FOXC2: variants seen among roughly 807,000 people sequenced by gnomAD.
FOXC2 encodes the protein forkhead box C2.
FOXC2 carries 7 observed loss-of-function variants against 7.2 expected under a neutral mutation model. The observed-to-expected ratio is 0.97, with a 90% CI of 0.55 to 1.81. FOXC2 has a LOEUF of 1.81. Among genes scored for constraint, FOXC2 ranks in the 40% most tolerant of loss-of-function variants. FOXC2 has a pLI of 0.00. For missense variants in FOXC2, 846 were observed against 741.2 expected, an observed-to-expected ratio of 1.14 and a Z score of -1.64; for synonymous variants, 436 against 350.4, an observed-to-expected ratio of 1.24 and a Z score of -2.73.
Position 86,568,623 on chromosome 16 carries a change from G to A in FOXC2, c.1288G>A (p.Gly430Arg). Residue 430 changes from glycine to arginine, a missense_variant, in exon 1 of 1, where the codon GGG becomes AGG. Around this residue, in one of 3 missense-constraint regions of FOXC2, gnomAD observed 640 missense variants for 503.2 expected, o/e 1.27. Transcript: ENST00000649859. This position sits in a 1 kb window ranked among gnomAD's most constrained non-coding sequence, Gnocchi z 5.2. ...QAASWYLNHS[G>R]DLNHLPGHTF... ...GGCCTCCTGGTATCTCAACCACAGC[G>A]GGGACCTGAACCACCTCCCCGGCCA... 3 of 1,612,286 alleles carry A rather than the reference G, an allele frequency of 1.9e-6. No individual in the cohort carries two copies. Among genetic ancestry groups the A allele is most frequent in the Non-Finnish European group, 2.5e-6 (3 of 1,179,880 alleles).
chr16:86,567,419 G>C lies in FOXC2; in HGVS notation c.84G>C (p.Ala28=). The change falls in exon 1 of 1, where the codon GCG becomes GCC. Residue 28 remains alanine (A), a synonymous_variant. Coordinates refer to ENST00000649859, the MANE Select transcript of FOXC2 (RefSeq NM_005251.3). The part of the protein sequence containing the change: ...YLSEQNYYRA[A]GSYGGMASPM... ...GCGAGCAGAATTACTACCGGGCTGCGGGCAGCTACGGCGGCATGGCCAGCC... is the reference window on the plus strand; with the variant it reads ...GCGAGCAGAATTACTACCGGGCTGCCGGCAGCTACGGCGGCATGGCCAGCC... 6.2e-7 allele frequency: 1 copy of C among 1,613,308 alleles called. No homozygotes were observed. Among genetic ancestry groups the C allele is most frequent in the East Asian group, 2.2e-5 (1 of 44,850 alleles).
rs1371479295 is a variant in FOXC2, at chr16:86,568,819, C to T, written c.1484C>T (p.Ser495Phe). 1 of 1,612,894 alleles carries T rather than the reference C, an allele frequency of 6.2e-7. No individual in the cohort carries two copies. Among genetic ancestry groups the T allele is most frequent in the Admixed American group, 1.7e-5 (1 of 60,010 alleles). The stretch of plus-strand genomic sequence containing the variant: ...CTCTATCGCCACGCAGCCCCCTACT[C>T]CTACGACTGCACGAAATACTGACGT... ...PPLYRHAAPYSYDCTKY is the reference protein window; with the variant it reads ...PPLYRHAAPYFYDCTKY The change falls in exon 1 of 1, where the codon TCC (serine) becomes TTC (phenylalanine). Residue 495 changes from serine (S) to phenylalanine (F), a missense_variant. Coordinates refer to ENST00000649859, the MANE Select transcript of FOXC2 (RefSeq NM_005251.3). The surrounding 1 kb of genome is among the most constrained non-coding windows in gnomAD (Gnocchi z 5.2).
At position 86,568,217 on chromosome 16, in the gene FOXC2, G is replaced by T; in HGVS notation, c.882G>T (p.Ala294=). Residue 294 remains alanine, a synonymous_variant, in exon 1 of 1, where the codon GCG becomes GCT. Coordinates refer to ENST00000649859, the MANE Select transcript of FOXC2 (RefSeq NM_005251.3). The surrounding 1 kb of genome is among the most constrained non-coding windows in gnomAD (Gnocchi z 5.2). ...GGELSPGAGR[A]GLVVPPLALP... is the part of the protein sequence containing the mutation. ...AGCTGAGCCCGGGGGCCGGACGCGCGGGCCTGGTGGTGCCGCCGCTGGCGC... is the reference window on the plus strand; with the variant it reads ...AGCTGAGCCCGGGGGCCGGACGCGCTGGCCTGGTGGTGCCGCCGCTGGCGC... 7.9e-7 allele frequency: 1 copy of T among 1,268,778 alleles called. No individual in the cohort carries two copies. Among genetic ancestry groups the T allele is most frequent in the Non-Finnish European group, 9.9e-7 (1 of 1,013,954 alleles). 78.6% of individuals were successfully genotyped at this position (1,268,778 alleles called of 1,614,324 possible). A position where few individuals can be genotyped will look rare whatever the true frequency, so the allele number is the denominator to read the frequency against.
chr16:86,567,924 AC>A lies in FOXC2; in HGVS notation c.595del (p.His199ThrfsTer2). On this transcript the variant is annotated frameshift_variant, in exon 1 of 1. Coordinates refer to ENST00000649859, the MANE Select transcript of FOXC2 (RefSeq NM_005251.3). LOFTEE classifies it low-confidence loss of function (END_TRUNC). Reference sequence around the variant, plus strand: ...GGCGGCGTCCAAGGGCGCCCCGGCCACCCCCCACCTAGCGGACGCCCCCAAG... The same window carrying A: ...GGCGGCGTCCAAGGGCGCCCCGGCCACCCCCACCTAGCGGACGCCCCCAAG... Reference protein sequence around the residue: ...PPAASKGAPATPHLADAPKEA... With the variant: ...PPAASKGAPAXPHLADAPKEA... The A allele has an allele frequency of 1.3e-6, 2 of 1,569,008 alleles. No homozygotes were observed. Among genetic ancestry groups the A allele is most frequent in the South Asian group, 2.3e-5 (2 of 85,346 alleles).
Position 86,568,489 on chromosome 16 carries a change from C to T in FOXC2, c.1154C>T (p.Thr385Met). The part of the protein sequence containing the change: ...AAGQEGALAA[T>M]GHHHQHHGHH... ...GGCCAGGAGGGCGCGCTCGCCGCCA[C>T]GGGCCACCACCACCAGCACCACGGC... Residue 385 changes from threonine (T) to methionine (M), a missense_variant, in exon 1 of 1, where the codon ACG becomes ATG. By Grantham distance (81) the Thr-to-Met change is moderately conservative. Coordinates refer to ENST00000649859, the MANE Select transcript of FOXC2 (RefSeq NM_005251.3). This position sits in a 1 kb window ranked among gnomAD's most constrained non-coding sequence, Gnocchi z 5.2. The T allele has an allele frequency of 3.1e-6, 4 of 1,298,588 alleles. No individual in the cohort carries two copies. Among genetic ancestry groups the T allele is most frequent in the Admixed American group, 3.4e-5 (1 of 29,804 alleles). 80.4% of individuals were successfully genotyped at this position (1,298,588 alleles called of 1,614,324 possible).
Position 86,567,859 on chromosome 16 carries a change from A to T in FOXC2, c.524A>T (p.Lys175Met), listed in dbSNP as rs970711015. 3.1e-6 allele frequency: 5 copies of T among 1,611,926 alleles called. No homozygotes were observed. In the Admixed American group the frequency reaches 8.3e-5, roughly 27 times the overall value. Reference protein sequence around the residue: ...RRRFKKKDVSKEKEERAHLKE... With the variant: ...RRRFKKKDVSMEKEERAHLKE... ...CGCTTCAAAAAGAAGGACGTGTCCAAGGAGAAGGAGGAGCGGGCCCACCTC... is the reference window on the plus strand; with the variant it reads ...CGCTTCAAAAAGAAGGACGTGTCCATGGAGAAGGAGGAGCGGGCCCACCTC... The change falls in exon 1 of 1, where the codon AAG becomes ATG. Residue 175 changes from lysine to methionine, a missense_variant. Lys to Met is a moderately conservative substitution (Grantham distance 95). Transcript: ENST00000649859.
In FOXC2 at chr16:86,567,088, G is replaced by T. The variant is rs1456598231; in HGVS notation, c.-248G>T. Among the ~76,000 whole-genome samples, 21 of 150,446 alleles carry T rather than the reference G, an allele frequency of 1.4e-4. No individual in the cohort carries two copies. In the East Asian group the frequency reaches 3.5e-3, roughly 25 times the overall value. On this transcript the variant is annotated 5_prime_UTR_variant, in exon 1 of 1. Transcript: ENST00000649859. ...CAGCGAGGAGCGGGGCCGGCGCTGC[G>T]CTTGCCCGGGGCGCGCCCTCCAGGA... is the stretch of plus-strand genomic sequence containing the variant.
At position 86,569,062 on chromosome 16, in the gene FOXC2, A is replaced by G. The variant is rs967646325; in HGVS notation, c.*221A>G. On this transcript the variant is annotated 3_prime_UTR_variant, in exon 1 of 1. Transcript: ENST00000649859. ...CGCCCCGTTTCTGGGATCCCAGGAAACCCCTCCAAAGGGACGCAGCCCAAC... is the reference window on the plus strand; with the variant it reads ...CGCCCCGTTTCTGGGATCCCAGGAAGCCCCTCCAAAGGGACGCAGCCCAAC... 4.8e-6 allele frequency: 3 copies of G among 628,670 alleles called. No individual in the cohort carries two copies. The highest frequency in any genetic ancestry group is 8.6e-6 in the Non-Finnish European group (3 of 350,544). 38.9% of individuals were successfully genotyped at this position (628,670 alleles called of 1,614,324 possible). A position where few individuals can be genotyped will look rare whatever the true frequency, so the allele number is the denominator to read the frequency against.
Position 86,568,949 on chromosome 16 carries a change from TCCA to T in FOXC2, c.*112_*114del. 1.4e-6 allele frequency: 2 copies of T among 1,399,852 alleles called. No homozygotes were observed. The highest frequency in any genetic ancestry group is 3.9e-4 in the Middle Eastern group (2 of 5,194). The allele number at this position is 1,399,852 out of a possible 1,614,324, so 86.7% of individuals were successfully genotyped here. A position where few individuals can be genotyped will look rare whatever the true frequency, so the allele number is the denominator to read the frequency against. On this transcript the variant is annotated 3_prime_UTR_variant, in exon 1 of 1. Coordinates refer to ENST00000649859, the MANE Select transcript of FOXC2 (RefSeq NM_005251.3). This position sits in a 1 kb window ranked among gnomAD's most constrained non-coding sequence, Gnocchi z 5.2. ...AGACGCAAAAAAGAAACAAAACATG[TCCA>T]CCAACCTTTTCTCAGACCCGGGAGC...
In FOXC2 at chr16:86,569,616, AAAG is replaced by A. The variant is rs1483085843; in HGVS notation, c.*778_*780del. 1 of 49,504 alleles carries A rather than the reference AAAG, an allele frequency of 2.0e-5. No individual in the cohort carries two copies. The highest frequency in any genetic ancestry group is 6.0e-5 in the Non-Finnish European group (1 of 16,694). 3.1% of individuals were successfully genotyped at this position (49,504 alleles called of 1,614,324 possible). ...GTAGGTTCCACCCTGAGTATTCCTA[AAAG>A]AAAAAAAAAAAAAAAGCTTAAAAAC... is the stretch of plus-strand genomic sequence containing the variant. On this transcript the variant is annotated 3_prime_UTR_variant, in exon 1 of 1. Coordinates refer to ENST00000649859, the MANE Select transcript of FOXC2 (RefSeq NM_005251.3).
In FOXC2 at chr16:86,568,665, C is replaced by T. The variant is rs1272296263; in HGVS notation, c.1330C>T (p.Gln444Ter). 1 of 1,612,856 alleles carries T rather than the reference C, an allele frequency of 6.2e-7. No homozygotes were observed. The highest frequency in any genetic ancestry group is 1.7e-5 in the Admixed American group (1 of 60,028). ...CCCCGGCCACACGTTCGCGGCCCAGCAGCAAACTTTCCCCAACGTGCGGGA... is the reference window on the plus strand; with the variant it reads ...CCCCGGCCACACGTTCGCGGCCCAGTAGCAAACTTTCCCCAACGTGCGGGA... ...HLPGHTFAAQQQTFPNVREMF... is the reference protein window; with the variant it reads ...HLPGHTFAAQ The change falls in exon 1 of 1, where the codon CAG (glutamine) becomes TAG (stop). Residue 444 changes from glutamine (Q) to a stop codon, truncating the protein, a stop_gained. Coordinates refer to ENST00000649859, the MANE Select transcript of FOXC2 (RefSeq NM_005251.3). LOFTEE classifies it high-confidence loss of function. This position sits in a 1 kb window ranked among gnomAD's most constrained non-coding sequence, Gnocchi z 5.2.
In FOXC2 at chr16:86,568,128, A is replaced by C. The variant is rs2144019812; in HGVS notation, c.793A>C (p.Asn265His). 1 of 1,355,876 alleles carries C rather than the reference A, an allele frequency of 7.4e-7. No individual in the cohort carries two copies. The highest frequency in any genetic ancestry group is 9.4e-7 in the Non-Finnish European group (1 of 1,062,312). 84.0% of individuals were successfully genotyped at this position (1,355,876 alleles called of 1,614,324 possible). The change falls in exon 1 of 1, where the codon AAC becomes CAC. Residue 265 changes from asparagine to histidine, a missense_variant. This residue lies in a region of FOXC2 where 640 missense variants were observed against 503.2 expected (regional missense o/e 1.27). Coordinates refer to ENST00000649859, the MANE Select transcript of FOXC2 (RefSeq NM_005251.3). This position sits in a 1 kb window ranked among gnomAD's most constrained non-coding sequence, Gnocchi z 5.2. ...SLPEHHAAAP[N>H]GLPGFSVENI... ...GCCGGAGCACCACGCCGCGGCGCCC[A>C]ACGGGCTGCCTGGCTTCAGCGTGGA... is the stretch of plus-strand genomic sequence containing the variant.
Position 86,568,106 on chromosome 16 carries a change from G to A in FOXC2, c.771G>A (p.Pro257=), listed in dbSNP as rs1164941750. ...CCGGCTCCCCCGACGGCTCGCTGCC[G>A]GAGCACCACGCCGCGGCGCCCAACG... ...TPAGSPDGSL[P]EHHAAAPNGL... Residue 257 remains proline, a synonymous_variant, in exon 1 of 1, where the codon CCG becomes CCA. Transcript: ENST00000649859. This position sits in a 1 kb window ranked among gnomAD's most constrained non-coding sequence, Gnocchi z 5.2. 2.9e-6 allele frequency: 4 copies of A among 1,372,166 alleles called. No homozygotes were observed. Among genetic ancestry groups the A allele is most frequent in the Middle Eastern group, 2.3e-4 (1 of 4,292 alleles). 85.0% of individuals were successfully genotyped at this position (1,372,166 alleles called of 1,614,324 possible).
chr16:86,568,729 C>A lies in FOXC2; in HGVS notation c.1394C>A (p.Thr465Asn), dbSNP rs1974238780. The A allele has an allele frequency of 6.2e-7, 1 of 1,612,846 alleles. No homozygotes were observed. The change falls in exon 1 of 1, where the codon ACC (threonine) becomes AAC (asparagine). Residue 465 changes from threonine (T) to asparagine (N), a missense_variant. Around this residue, in one of 3 missense-constraint regions of FOXC2, gnomAD observed 640 missense variants for 503.2 expected, o/e 1.27. Transcript: ENST00000649859. This position sits in a 1 kb window ranked among gnomAD's most constrained non-coding sequence, Gnocchi z 5.2. ...CACCGGCTGGGGATTGAGAACTCGA[C>A]CCTCGGGGAGTCCCAGGTGAGTGGC... ...NSHRLGIENS[T>N]LGESQVSGNA...
rs748086156 is a variant in FOXC2, at chr16:86,567,302, C to G, written c.-34C>G. The G allele has an allele frequency of 3.7e-6, 6 of 1,611,574 alleles. No homozygotes were observed. In the South Asian group the frequency reaches 5.5e-5, roughly 15 times the overall value. On this transcript the variant is annotated 5_prime_UTR_variant, in exon 1 of 1. Transcript: ENST00000649859. ...CTCGCTCCCCCGGCCGCAGTCCGTG[C>G]GCGAGGGCGCCGGCGAGCCGTCTCG...
chr16:86,568,441 T>G lies in FOXC2; in HGVS notation c.1106T>G (p.Leu369Arg). 1 of 1,362,812 alleles carries G rather than the reference T, an allele frequency of 7.3e-7. No homozygotes were observed. Among genetic ancestry groups the G allele is most frequent in the South Asian group, 1.5e-5 (1 of 65,032 alleles). 84.4% of individuals were successfully genotyped at this position (1,362,812 alleles called of 1,614,324 possible). A position where few individuals can be genotyped will look rare whatever the true frequency, so the allele number is the denominator to read the frequency against. Reference protein sequence around the residue: ...SDHPSGPTSPLSALNLAAGQE... With the variant: ...SDHPSGPTSPRSALNLAAGQE... ...CACCCGAGCGGCCCCACGTCGCCCCTGAGCGCTCTCAACCTCGCCGCCGGC... is the reference window on the plus strand; with the variant it reads ...CACCCGAGCGGCCCCACGTCGCCCCGGAGCGCTCTCAACCTCGCCGCCGGC... The change falls in exon 1 of 1, where the codon CTG (leucine) becomes CGG (arginine). Residue 369 changes from leucine (L) to arginine (R), a missense_variant. By Grantham distance (102) the Leu-to-Arg change is moderately radical. This residue lies in a region of FOXC2 where 640 missense variants were observed against 503.2 expected (regional missense o/e 1.27). Transcript: ENST00000649859. This position sits in a 1 kb window ranked among gnomAD's most constrained non-coding sequence, Gnocchi z 5.2.
rs1355069576 is a variant in FOXC2, at chr16:86,567,313, C to A, written c.-23C>A. 2.5e-6 allele frequency: 4 copies of A among 1,611,994 alleles called. No individual in the cohort carries two copies. Among genetic ancestry groups the A allele is most frequent in the Non-Finnish European group, 3.4e-6 (4 of 1,179,532 alleles). The stretch of plus-strand genomic sequence containing the variant: ...GGCCGCAGTCCGTGCGCGAGGGCGC[C>A]GGCGAGCCGTCTCGGAAGCAGCATG... On this transcript the variant is annotated 5_prime_UTR_variant, in exon 1 of 1. Coordinates refer to ENST00000649859, the MANE Select transcript of FOXC2 (RefSeq NM_005251.3).
In FOXC2 at chr16:86,568,639, T is replaced by C. The variant is rs1443635063; in HGVS notation, c.1304T>C (p.Leu435Pro). The change falls in exon 1 of 1, where the codon CTC becomes CCC. Residue 435 changes from leucine to proline, a missense_variant. Leu to Pro is a moderately conservative substitution (Grantham distance 98). Coordinates refer to ENST00000649859, the MANE Select transcript of FOXC2 (RefSeq NM_005251.3). This position sits in a 1 kb window ranked among gnomAD's most constrained non-coding sequence, Gnocchi z 5.2. Reference protein sequence around the residue: ...YLNHSGDLNHLPGHTFAAQQQ... With the variant: ...YLNHSGDLNHPPGHTFAAQQQ... ...AACCACAGCGGGGACCTGAACCACC[T>C]CCCCGGCCACACGTTCGCGGCCCAG... The C allele has an allele frequency of 6.2e-7, 1 of 1,612,360 alleles. No individual in the cohort carries two copies. The highest frequency in any genetic ancestry group is 2.2e-5 in the East Asian group (1 of 44,840).
In FOXC2 at chr16:86,568,075, C is replaced by T; in HGVS notation, c.740C>T (p.Thr247Met). The change falls in exon 1 of 1, where the codon ACG (threonine) becomes ATG (methionine). Residue 247 changes from threonine to methionine, a missense_variant. Physicochemically the swap from Thr to Met is moderately conservative, Grantham distance 81 (BLOSUM62 -1). Coordinates refer to ENST00000649859, the MANE Select transcript of FOXC2 (RefSeq NM_005251.3). The surrounding 1 kb of genome is among the most constrained non-coding windows in gnomAD (Gnocchi z 5.2). ...GGCAGCCCGCGCAGCGCGGCCTCCACGCCCGCCGGCTCCCCCGACGGCTCG... is the reference window on the plus strand; with the variant it reads ...GGCAGCCCGCGCAGCGCGGCCTCCATGCCCGCCGGCTCCCCCGACGGCTCG... Reference protein sequence around the residue: ...LQGSPRSAASTPAGSPDGSLP... With the variant: ...LQGSPRSAASMPAGSPDGSLP... 7 of 1,425,304 alleles carry T rather than the reference C, an allele frequency of 4.9e-6. No homozygotes were observed. The highest frequency in any genetic ancestry group is 6.4e-6 in the Non-Finnish European group (7 of 1,099,132). 88.3% of individuals were successfully genotyped at this position (1,425,304 alleles called of 1,614,324 possible).
Sources: gnomAD v4.1 joint callset for allele counts (sites outside exome capture counted in the v4.1 genomes callset) on GRCh38, gnomAD v4.1.1 for gene constraint, gnomAD v4.1.1 regional missense constraint, Gnocchi (gnomAD v3.1) non-coding constraint, MANE v1.5 for transcripts, NCBI Gene and HGNC (gene_info 2026-07-23, HGNC 2026-07-21) for gene names.